The following TRAPPC11 variants were observed in gnomAD, a reference collection of about 807,000 sequenced individuals.
The protein encoded by TRAPPC11 is foie gras homolog.
Under a neutral mutation model 151.2 loss-of-function variants are expected in TRAPPC11, and 104 were observed. The observed-to-expected ratio is 0.69, with a 90% CI of 0.59 to 0.81. TRAPPC11 has a LOEUF of 0.81. Ranked by LOEUF, TRAPPC11 falls within the 30% of genes least tolerant of loss-of-function variation. The pLI, the probability that TRAPPC11 is intolerant of heterozygous loss-of-function variation, is 0.00. For synonymous variants in TRAPPC11, 456 were observed against 472.3 expected (o/e 0.97, Z 0.45); for missense variants, 1,230 against 1,349.6 (o/e 0.91, Z 1.39).
At chr4:183,662,537 A>G (rs1274526807) in intron 1 of TRAPPC11, among the ~76,000 whole-genome samples, 5 of 152,128 alleles carry the variant, frequency 3.3e-5, no homozygotes, top group Admixed American at 6.5e-5. Flanking sequence ...ACATCCTCCG[A>G]GAGGTTTCCA....
intron 1 of TRAPPC11, among the ~76,000 whole-genome samples, chr4:183,660,695 A>G (rs1300071632): frequency 1.3e-5 from 2 of 152,068 alleles, no homozygotes; most frequent in South Asian, 2.1e-4. Flanking sequence ...AGGGGCCCGT[A>G]TTGTATTTTG....
At position 183,697,546 on chromosome 4, in the gene TRAPPC11, C is replaced by T. The variant is rs764114529; in HGVS notation, c.2672C>T (p.Ala891Val). Residue 891 changes from alanine to valine, a missense_variant, in exon 24 of 30, where the codon GCG becomes GTG. Transcript: ENST00000334690. Reference sequence around the variant, plus strand: ...GAAACAGTCTTTCCATTTGATGTTGCGGTTAAATTTGTTTCTACCAAGGTA... The same window carrying T: ...GAAACAGTCTTTCCATTTGATGTTGTGGTTAAATTTGTTTCTACCAAGGTA... Reference protein sequence around the residue: ...TIETVFPFDVAVKFVSTKFEH... With the variant: ...TIETVFPFDVVVKFVSTKFEH... The T allele has an allele frequency of 1.0e-5, 16 of 1,603,082 alleles. No homozygotes were observed. In the South Asian group the frequency reaches 1.2e-4, roughly 12 times the overall value.
In TRAPPC11 at chr4:183,666,335, G is replaced by T; in HGVS notation, c.283G>T (p.Ala95Ser). ...GAATAAGCATCTGAATCTGGTGCCAGCCCTGGTGGTTGTGTTCTATGAACT... is the reference window on the plus strand; with the variant it reads ...GAATAAGCATCTGAATCTGGTGCCATCCCTGGTGGTTGTGTTCTATGAACT... ...WMNKHLNLVP[A>S]LVVVFYELDW... Residue 95 changes from alanine to serine, a missense_variant, in exon 3 of 30, where the codon GCC becomes TCC. Coordinates refer to ENST00000334690, the MANE Select transcript of TRAPPC11 (RefSeq NM_021942.6). 1 of 1,614,198 alleles carries T rather than the reference G, an allele frequency of 6.2e-7. No individual in the cohort carries two copies.
intron 5 of TRAPPC11, 25 bp downstream of exon 5, chr4:183,668,142 T>A (rs755660808): frequency 2.1e-6 from 3 of 1,406,032 alleles, no homozygotes; most frequent in South Asian, 1.3e-5. Flanking sequence ...TTTAAAGTTT[T>A]GTTTTTTTAG....
intron 28 of TRAPPC11, among the ~76,000 whole-genome samples, chr4:183,707,419 A>G (rs929187252): frequency 1.3e-5 from 2 of 152,066 alleles, no homozygotes; most frequent in Non-Finnish European, 2.9e-5. Flanking sequence ...ACTTTAAATT[A>G]TCTAGATTTT....
chr4:183,671,114 C>T (rs1352934121), intron 5 of TRAPPC11, among the ~76,000 whole-genome samples: 2 of 152,176 alleles, frequency 1.3e-5, no homozygotes, highest in Non-Finnish European at 2.9e-5. Flanking sequence ...GATCCGCCCA[C>T]CTCGGCCTCC....
chr4:183,702,587 T>C (rs1736855770), intron 26 of TRAPPC11, among the ~76,000 whole-genome samples: 1 of 152,172 alleles, frequency 6.6e-6, no homozygotes, highest in Admixed American at 6.6e-5. Context: ...AAAAACATGC[T>C]ATGTATTTCT....
At chr4:183,705,109 A>G in intron 27 of TRAPPC11, 39 bp downstream of exon 27, 1 of 1,328,642 alleles carries the variant, frequency 7.5e-7, no homozygotes, top group Non-Finnish European at 1.1e-6. Flanking sequence ...GAAGGACCCA[A>G]TAATAATAGT....
rs1398590991 is a variant in TRAPPC11 at position 183,693,707 on chromosome 4, G to T, written c.2356G>T (p.Asp786Tyr). ...GTCCCATGAAAAGACCCAAATCAGA[G>T]ATGTGAAGCTCACCGCTGGCTTAAA... ...VQSHEKTQIRDVKLTAGLKPG... is the reference protein window; with the variant it reads ...VQSHEKTQIRYVKLTAGLKPG... The change falls in exon 21 of 30, where the codon GAT becomes TAT. Residue 786 changes from aspartate to tyrosine, a missense_variant. Physicochemically the swap from Asp to Tyr is radical, Grantham distance 160. Transcript: ENST00000334690. 6.2e-7 allele frequency: 1 copy of T among 1,613,980 alleles called. No homozygotes were observed.
intron 27 of TRAPPC11, chr4:183,705,802 T>C (rs1737026964): frequency 6.6e-6 from 1 of 152,226 alleles, no homozygotes; most frequent in South Asian, 2.1e-4. Flanking sequence ...ATAGTGTATG[T>C]GCTCCCACCA....
At chr4:183,663,284 A>T (rs912251313) in intron 1 of TRAPPC11, among the ~76,000 whole-genome samples, 1 of 152,004 alleles carries the variant, frequency 6.6e-6, no homozygotes, top group Non-Finnish European at 1.5e-5. Flanking sequence ...TCCAGGCTAG[A>T]GTGCAGTGGC....
At chr4:183,686,877 C>G in intron 18 of TRAPPC11, 129 bp downstream of exon 18, 1 of 1,162,654 alleles carries the variant, frequency 8.6e-7, no homozygotes, top group Non-Finnish European at 1.2e-6. Flanking sequence ...TTGGTAAGGT[C>G]TATTCAAAAA....
rs555161410 is a variant in TRAPPC11, at chr4:183,665,266, C to T, written c.205-991C>T. On this transcript the variant is annotated intron_variant, in intron 2 of 29. Transcript: ENST00000334690. ...CCCGCCACCACGTCCAGCTAATTTT[C>T]TGTATTTTTAGTAGAGACGGGGTTT... Among the ~76,000 whole-genome samples the T allele has an allele frequency of 9.1e-3, 1,377 of 151,712 alleles. 8 individuals carry two copies. Among genetic ancestry groups the T allele is most frequent in the South Asian group, 0.012 (58 of 4,802 alleles).
chr4:183,685,278 G>A lies in TRAPPC11; in HGVS notation c.1637G>A (p.Ser546Asn), dbSNP rs763452516. Residue 546 changes from serine (S) to asparagine (N), a missense_variant, in exon 17 of 30, where the codon AGT becomes AAT. Ser to Asn is a conservative substitution (Grantham distance 46, BLOSUM62 1). Transcript: ENST00000334690. Reference protein sequence around the residue: ...KNLINVLMNESPDPEPDCDIL... With the variant: ...KNLINVLMNENPDPEPDCDIL... The stretch of plus-strand genomic sequence containing the variant: ...AACTCTGTGTTGATGCAGAATGAAA[G>A]TCCTGATCCAGAACCCGACTGTGAT... 3.7e-6 allele frequency: 6 copies of A among 1,613,424 alleles called. No individual in the cohort carries two copies. The highest frequency in any genetic ancestry group is 1.3e-5 in the African/African-American group (1 of 74,914).
At chr4:183,692,895 G>C in intron 19 of TRAPPC11, 65 bp from the exon 20 acceptor site, 1 of 1,448,978 alleles carries the variant, frequency 6.9e-7, no homozygotes. Context: ...TGTAATTTTG[G>C]TGAGAGGAGA....
rs776016184 is a variant in TRAPPC11, at chr4:183,683,972, C to T, written c.1208-3C>T. On this transcript the variant is annotated splice_region_variant and splice_polypyrimidine_tract_variant and intron_variant, in intron 11 of 29. Transcript: ENST00000334690. Reference sequence around the variant, plus strand: ...AAAATGAGTTGTGTCTCATCTTACGCAGGTTTTGATCTTTCTGATCCTGAA... The same window carrying T: ...AAAATGAGTTGTGTCTCATCTTACGTAGGTTTTGATCTTTCTGATCCTGAA... The T allele has an allele frequency of 1.2e-6, 2 of 1,613,352 alleles. No individual in the cohort carries two copies. The highest frequency in any genetic ancestry group is 4.5e-5 in the East Asian group (2 of 44,826).
intron 19 of TRAPPC11, 69 bp downstream of exon 19, chr4:183,691,540 A>G: frequency 1.0e-6 from 1 of 977,576 alleles, no homozygotes; most frequent in Non-Finnish European, 1.4e-6. Flanking sequence ...ATTTTAAATA[A>G]TACAAAAGTT....
rs1270900117 is a variant in TRAPPC11 at position 183,663,856 on chromosome 4, G to C, written c.-12G>C. 4 of 1,511,528 alleles carry C rather than the reference G, an allele frequency of 2.6e-6. No homozygotes were observed. The Admixed American group carries it at 7.2e-5, about 27-fold the overall frequency. 93.6% of individuals were successfully genotyped at this position (1,511,528 alleles called of 1,614,324 possible). A position where few individuals can be genotyped will look rare whatever the true frequency, so the allele number is the denominator to read the frequency against. ...AACATTTGTATTTCAGGTTTTTTGT[G>C]ACATCGTAAACATGAGCCCCACACA... On this transcript the variant is annotated 5_prime_UTR_variant, in exon 2 of 30. Coordinates refer to ENST00000334690, the MANE Select transcript of TRAPPC11 (RefSeq NM_021942.6).
intron 19 of TRAPPC11, 47 bp downstream of exon 19, chr4:183,691,518 G>A (rs1382768214): frequency 3.5e-6 from 4 of 1,142,440 alleles, no homozygotes; most frequent in Non-Finnish European, 4.6e-6. Context: ...ATAAAAGTAT[G>A]TTTATATCAA....
Sources: gnomAD v4.1 joint callset for allele counts (sites outside exome capture counted in the v4.1 genomes callset) on GRCh38, gnomAD v4.1.1 for gene constraint, MANE v1.5 for transcripts, NCBI Gene and HGNC (gene_info 2026-07-23, HGNC 2026-07-21) for gene names.